The following INPP5K variants were observed in gnomAD, a reference collection of about 807,000 sequenced individuals.
INPP5K encodes inositol polyphosphate-5-phosphatase K.
Under a neutral mutation model 53.5 loss-of-function variants are expected in INPP5K, and 35 were observed. The observed-to-expected ratio is 0.65, with a 90% CI of 0.50 to 0.87. The LOEUF (loss-of-function observed/expected upper bound fraction) is 0.87, where lower values mean the gene tolerates loss of function less well. Ranked by LOEUF, INPP5K falls within the 40% of genes least tolerant of loss-of-function variation. The pLI is 0.00. For missense variants in INPP5K, 550 were observed against 586.2 expected (o/e 0.94, Z 0.64); for synonymous variants, 253 against 232.8 (o/e 1.09, Z -0.79).
chr17:1,502,562 G>A (rs1567553439), intron 7 of INPP5K, among the ~76,000 whole-genome samples: 1 of 119,470 alleles, frequency 8.4e-6, no homozygotes, highest in African/African-American at 3.3e-5. Context: ...TCCTTGCCAC[G>A]GCCAGGCTGA....
At chr17:1,507,298 G>C in intron 6 of INPP5K, 4 of 559,426 alleles carry the variant, frequency 7.2e-6, no homozygotes, top group Non-Finnish European at 1.3e-5. Context: ...CCAAGGCCCA[G>C]GGGAGGCAGC....
In INPP5K at chr17:1,499,570, A is replaced by C. The variant is rs116123947; in HGVS notation, c.777-1448T>G. Among the ~76,000 whole-genome samples the C allele has an allele frequency of 6.0e-3, 918 of 152,324 alleles. 10 individuals carry two copies. Among genetic ancestry groups the C allele is most frequent in the African/African-American group, 0.021 (866 of 41,552 alleles). ...TTTCCCTGAGGGGTTTGGAAAAGGTAATACGCTCCGGAGACAAAATGCATT... is the reference window on the plus strand; with the variant it reads ...TTTCCCTGAGGGGTTTGGAAAAGGTCATACGCTCCGGAGACAAAATGCATT... On this transcript the variant is annotated intron_variant, in intron 7 of 11. Transcript: ENST00000421807.
In INPP5K at chr17:1,498,044, A is replaced by G; in HGVS notation, c.855T>C (p.Thr285=). The G allele has an allele frequency of 6.2e-7, 1 of 1,613,938 alleles. No individual in the cohort carries two copies. Among genetic ancestry groups the G allele is most frequent in the Non-Finnish European group, 8.5e-7 (1 of 1,179,970 alleles). The change falls in exon 8 of 12, where the codon ACT becomes ACC. Residue 285 remains threonine, a synonymous_variant. Coordinates refer to ENST00000421807, the MANE Select transcript of INPP5K (RefSeq NM_016532.4). ...AGAAGTGTGACGCCGGCGGTATGGG[A>G]GTGTCGGGGCCAGCACAGGGCTGCC... ...LKRQPCAGPD[T]PIPPASHFSL... is the part of the protein sequence containing the mutation.
intron 3 of INPP5K, among the ~76,000 whole-genome samples, chr17:1,511,023 T>C (rs1398771913): frequency 6.6e-6 from 1 of 152,008 alleles, no homozygotes; most frequent in Admixed American, 6.6e-5. Context: ...GTGTACATTA[T>C]AGCTCAGTGA....
In INPP5K at chr17:1,496,342, A is replaced by G. The variant is rs2074838168; in HGVS notation, c.1162T>C (p.Ser388Pro). Residue 388 changes from serine to proline, a missense_variant, in exon 10 of 12, where the codon TCC (serine) becomes CCC (proline). Ser to Pro is a moderately conservative substitution (Grantham distance 74). Transcript: ENST00000421807. ...ACCTGGTTCAGGTTGTCGCTGCAGG[A>G]GACCTTGCTGTCCCCGACCCAGGCA... ...SYAWVGDSKV[S>P]CSDNLNQVYI... 6.4e-7 allele frequency: 1 copy of G among 1,563,280 alleles called. No individual in the cohort carries two copies. Among genetic ancestry groups the G allele is most frequent in the Non-Finnish European group, 8.7e-7 (1 of 1,153,218 alleles).
chr17:1,516,203 C>T (rs1384620757), intron 1 of INPP5K: 9 of 976,382 alleles, frequency 9.2e-6, no homozygotes, highest in African/African-American at 3.5e-5. Context: ...CAACCCCACA[C>T]GGCTGTCCTC....
intron 6 of INPP5K, chr17:1,507,844 C>G: frequency 3.1e-6 from 1 of 322,844 alleles, no homozygotes; most frequent in Non-Finnish European, 5.7e-6. Context: ...CGTGCCCGGC[C>G]CCTATTCTTC....
chr17:1,507,632 C>T (rs1450525670), intron 6 of INPP5K: 2 of 156,678 alleles, frequency 1.3e-5, no homozygotes, highest in African/African-American at 4.8e-5. Flanking sequence ...CCTCTGCCTC[C>T]CGGGTTCAAG....
chr17:1,515,711 G>A, intron 1 of INPP5K: 1 of 729,224 alleles, frequency 1.4e-6, no homozygotes, highest in Non-Finnish European at 1.7e-6. Context: ...TTCTTGGCCA[G>A]TTTAAAGCAA....
chr17:1,501,157 A>G (rs1038858879), intron 7 of INPP5K, among the ~76,000 whole-genome samples: 5 of 151,850 alleles, frequency 3.3e-5, no homozygotes, highest in African/African-American at 1.2e-4. Context: ...ACTGGGTTTC[A>G]CCATGCTGGC....
chr17:1,514,240 T>C (rs2075380204), intron 1 of INPP5K, among the ~76,000 whole-genome samples: 1 of 151,326 alleles, frequency 6.6e-6, no homozygotes, highest in Admixed American at 6.6e-5. Context: ...GGAGAATTGC[T>C]TGAACCCACG....
intron 7 of INPP5K, among the ~76,000 whole-genome samples, chr17:1,502,280 C>T (rs1212478784): frequency 2.0e-5 from 3 of 152,204 alleles, no homozygotes; most frequent in African/African-American, 7.2e-5. Context: ...ACCCGGGAGA[C>T]AGAGCTTGTA....
intron 7 of INPP5K, 178 bp from the exon 8 acceptor site, chr17:1,498,300 G>T: frequency 1.9e-6 from 1 of 513,182 alleles, no homozygotes; most frequent in East Asian, 3.0e-5. Context: ...GTGCCTAACA[G>T]AATCCAAAGT....
In INPP5K at chr17:1,495,771, C is replaced by T. The variant is rs528175485; in HGVS notation, c.*52G>A. On this transcript the variant is annotated 3_prime_UTR_variant, in exon 12 of 12. Coordinates refer to ENST00000421807, the MANE Select transcript of INPP5K (RefSeq NM_016532.4). The stretch of plus-strand genomic sequence containing the variant: ...CCCAGCACTCCCGGCAGTGGAAAGG[C>T]AGAGCTGGCTGCCAGCTCTGGCCTC... 1.4e-6 allele frequency: 2 copies of T among 1,411,216 alleles called. No individual in the cohort carries two copies. The highest frequency in any genetic ancestry group is 1.2e-5 in the South Asian group (1 of 85,554). 87.4% of individuals were successfully genotyped at this position (1,411,216 alleles called of 1,614,324 possible). A position where few individuals can be genotyped will look rare whatever the true frequency, so the allele number is the denominator to read the frequency against.
At chr17:1,504,102 G>A (rs2075099901) in intron 7 of INPP5K, among the ~76,000 whole-genome samples, 1 of 152,288 alleles carries the variant, frequency 6.6e-6, no homozygotes, top group African/African-American at 2.4e-5. Context: ...TCTGCACGGA[G>A]TTCTGGAAAC....
intron 7 of INPP5K, among the ~76,000 whole-genome samples, chr17:1,500,866 G>A (rs77186860): frequency 8.9e-4 from 135 of 151,362 alleles, no homozygotes; most frequent in African/African-American, 3.2e-3. Context: ...GCTGAAGCTC[G>A]TCCCTCAAAA....
At chr17:1,507,160 A>T (rs2075178995) in intron 6 of INPP5K, 71 bp from the exon 7 acceptor site, 1 of 1,147,332 alleles carries the variant, frequency 8.7e-7, no homozygotes, top group South Asian at 1.3e-5. Context: ...ACTCCATTCA[A>T]GGGATCAGCA....
At chr17:1,501,247 C>T (rs548048646) in intron 7 of INPP5K, among the ~76,000 whole-genome samples, 25 of 152,360 alleles carry the variant, frequency 1.6e-4, no homozygotes, top group Non-Finnish European at 3.5e-4. Context: ...CGTGAGCCAC[C>T]GTGCCTGGCC....
intron 7 of INPP5K, among the ~76,000 whole-genome samples, chr17:1,504,498 C>G (rs569451026): frequency 6.6e-6 from 1 of 152,370 alleles, no homozygotes; most frequent in Non-Finnish European, 1.5e-5. Context: ...GTTACCATGT[C>G]CCCTGTTCCC....
Sources: gnomAD v4.1 joint callset for allele counts (sites outside exome capture counted in the v4.1 genomes callset) on GRCh38, gnomAD v4.1.1 for gene constraint, MANE v1.5 for transcripts, NCBI Gene and HGNC (gene_info 2026-07-23, HGNC 2026-07-21) for gene names.